The following ZNF469 variants were observed in gnomAD, a reference collection of about 807,000 sequenced individuals.
ZNF469 encodes zinc finger protein 469.
A neutral mutation model predicts 1.0 loss-of-function variants in ZNF469; 1 was observed. That is an observed-to-expected ratio of 1.00 (90% confidence interval 0.35 to 4.73). ZNF469 has a LOEUF of 4.73. ZNF469 is among the 30% of genes most tolerant of loss of function. The pLI, the probability that ZNF469 is intolerant of heterozygous loss-of-function variation, is 0.16. For synonymous variants in ZNF469, 2,703 were observed against 2,363.4 expected, an observed-to-expected ratio of 1.14 and a Z score of -4.17; for missense variants, 6,100 against 5,356.3, an observed-to-expected ratio of 1.14 and a Z score of -4.33.
intron 1 of ZNF469, among the ~76,000 whole-genome samples, chr16:88,414,469 G>T (rs1297268493): frequency 6.6e-6 from 1 of 152,254 alleles, no homozygotes; most frequent in East Asian, 1.9e-4. Context: ...CAGGGATGCT[G>T]TGGCGCCGGG....
chr16:88,231,998 A>C, the ZNF469 span, among the ~76,000 whole-genome samples: 35,744 of 151,718 alleles, frequency 0.24, 5,315 homozygotes, highest in African/African-American at 0.42. The surrounding 1 kb of genome is among the most constrained non-coding windows in gnomAD (Gnocchi z 4.5). Context: ...CTGCTGCCAC[A>C]CTCTGCATGG....
chr16:88,418,556 C>T (rs1337273973), intron 1 of ZNF469, among the ~76,000 whole-genome samples: 1 of 150,820 alleles, frequency 6.6e-6, no homozygotes, highest in South Asian at 2.1e-4. Flanking sequence ...GCCCCCCCGG[C>T]CACCTCCCTG....
the ZNF469 span, among the ~76,000 whole-genome samples, chr16:88,344,777 T>A: frequency 6.6e-6 from 1 of 152,298 alleles, no homozygotes; most frequent in Admixed American, 6.5e-5. Context: ...GGGGCCGCTA[T>A]GGGTGTGTGC....
chr16:88,398,835 G>T (rs1056600353), intron 1 of ZNF469, among the ~76,000 whole-genome samples: 1 of 152,236 alleles, frequency 6.6e-6, no homozygotes, highest in Non-Finnish European at 1.5e-5. Flanking sequence ...GGTCAGGGCA[G>T]ATCTGAGGAA....
At chr16:88,414,293 C>T (rs560484027) in intron 1 of ZNF469, among the ~76,000 whole-genome samples, 53 of 152,348 alleles carry the variant, frequency 3.5e-4, no homozygotes, top group African/African-American at 1.3e-3. Flanking sequence ...CCATCACGCC[C>T]GGGCTTCAGT....
At chr16:88,167,644 C>T in the ZNF469 span, among the ~76,000 whole-genome samples, 1 of 152,186 alleles carries the variant, frequency 6.6e-6, no homozygotes, top group Non-Finnish European at 1.5e-5. Flanking sequence ...CCCAGAGACC[C>T]AGCCCCGGGG....
chr16:88,427,975 A>T lies in ZNF469; in HGVS notation c.505A>T (p.Thr169Ser), dbSNP rs1212795154. Residue 169 changes from threonine (T) to serine (S), a missense_variant, in exon 3 of 3, where the codon ACT becomes TCT. Transcript: ENST00000565624. ...GAPLRPGLPR[T>S]EAQPAAEELG... ...TCCACTCAGGCCGGGCCTCCCAAGGACTGAGGCCCAACCCGCCGCCGAAGA... is the reference window on the plus strand; with the variant it reads ...TCCACTCAGGCCGGGCCTCCCAAGGTCTGAGGCCCAACCCGCCGCCGAAGA... 7.7e-6 allele frequency: 12 copies of T among 1,549,754 alleles called. No individual in the cohort carries two copies. Among genetic ancestry groups the T allele is most frequent in the Middle Eastern group, 1.7e-4 (1 of 6,012 alleles).
At chr16:88,312,767 G>C in the ZNF469 span, among the ~76,000 whole-genome samples, 1 of 152,118 alleles carries the variant, frequency 6.6e-6, no homozygotes, top group African/African-American at 2.4e-5. Context: ...CCTTTACAAC[G>C]CAGTCAATGC....
the ZNF469 span, among the ~76,000 whole-genome samples, chr16:88,109,823 T>C: frequency 1.3e-5 from 2 of 152,150 alleles, no homozygotes; most frequent in African/African-American, 4.8e-5. Flanking sequence ...GATCAGGAGG[T>C]GCTGAGCGTC....
chr16:88,114,277 A>G, the ZNF469 span, among the ~76,000 whole-genome samples: 1 of 132,206 alleles, frequency 7.6e-6, no homozygotes, highest in East Asian at 2.4e-4. Flanking sequence ...GGAGAATGAC[A>G]GGGACCACAT....
chr16:88,379,454 C>G (rs2092515870), upstream of ZNF469, among the ~76,000 whole-genome samples: 1 of 152,098 alleles, frequency 6.6e-6, no homozygotes, highest in Admixed American at 6.5e-5. Context: ...CCCTCCTTTT[C>G]AGCTCTCTGA....
chr16:88,323,718 C>T, the ZNF469 span, among the ~76,000 whole-genome samples: 2 of 152,154 alleles, frequency 1.3e-5, no homozygotes, highest in Non-Finnish European at 2.9e-5. Context: ...GACTCCCACA[C>T]CCAGTGTTGC....
the ZNF469 span, among the ~76,000 whole-genome samples, chr16:88,372,673 TCAC>T: frequency 4.9e-3 from 725 of 148,232 alleles, 4 homozygotes; most frequent in Admixed American, 0.012. Flanking sequence ...TTCACCATCA[TCAC>T]CACCATCATC....
the ZNF469 span, among the ~76,000 whole-genome samples, chr16:88,170,879 G>A: frequency 5.3e-5 from 8 of 151,902 alleles, no homozygotes; most frequent in South Asian, 2.1e-4. The surrounding 1 kb of genome is among the most constrained non-coding windows in gnomAD (Gnocchi z 4.2). Flanking sequence ...CCCTCCAACC[G>A]CGAGCAAGTG....
At chr16:88,307,443 C>T in the ZNF469 span, among the ~76,000 whole-genome samples, 8 of 152,234 alleles carry the variant, frequency 5.3e-5, no homozygotes, top group Admixed American at 2.0e-4. Flanking sequence ...GAGGTTGCCA[C>T]ATCTTACATT....
rs1251435441 is a variant in ZNF469 at position 88,433,732 on chromosome 16, T to C, written c.6262T>C (p.Ser2088Pro). The C allele has an allele frequency of 1.9e-6, 3 of 1,548,738 alleles. No homozygotes were observed. Among genetic ancestry groups the C allele is most frequent in the Admixed American group, 2.0e-5 (1 of 50,980 alleles). Reference protein sequence around the residue: ...GSEGRTPERASSPGLNKPLLA... With the variant: ...GSEGRTPERAPSPGLNKPLLA... ...TGAGGGCCGGACTCCAGAGAGGGCG[T>C]CCAGCCCCGGCCTGAACAAGCCACT... The change falls in exon 3 of 3, where the codon TCC (serine) becomes CCC (proline). Residue 2088 changes from serine to proline, a missense_variant. Transcript: ENST00000565624.
At chr16:88,254,850 A>G in the ZNF469 span, among the ~76,000 whole-genome samples, 30 of 152,310 alleles carry the variant, frequency 2.0e-4, no homozygotes, top group African/African-American at 7.2e-4. Flanking sequence ...AAAAAAAAAA[A>G]TCAGCTAGAG....
At chr16:88,144,737 G>C in the ZNF469 span, among the ~76,000 whole-genome samples, 1 of 152,242 alleles carries the variant, frequency 6.6e-6, no homozygotes, top group African/African-American at 2.4e-5. Flanking sequence ...AGACAGTGAA[G>C]TGAGAAGTTC....
the ZNF469 span, among the ~76,000 whole-genome samples, chr16:88,270,403 GGTCCTGGAT>G: frequency 1.3e-5 from 2 of 152,222 alleles, no homozygotes; most frequent in Admixed American, 1.3e-4. Flanking sequence ...AGCTCACCAG[GGTCCTGGAT>G]GCTCGCACCT....
Sources: allele counts gnomAD v4.1 joint callset (sites outside exome capture counted in the v4.1 genomes callset), GRCh38; gene constraint gnomAD v4.1.1; non-coding constraint Gnocchi (gnomAD v3.1); transcripts MANE v1.5; gene names NCBI Gene and HGNC (gene_info 2026-07-23, HGNC 2026-07-21).